SIGLEC11: variants seen among roughly 807,000 people sequenced by gnomAD.
SIGLEC11 encodes the protein sialic acid binding Ig like lectin 11.
SIGLEC11 carries 47 observed loss-of-function variants against 61.2 expected under a neutral mutation model. The ratio of observed to expected loss-of-function variants is 0.77; its 90% CI spans 0.61 to 0.98. The LOEUF is 0.98. Among genes scored for constraint, SIGLEC11 ranks in the 50% least tolerant of loss-of-function variants. The pLI is 0.00. For synonymous variants in SIGLEC11, 278 were observed against 373.1 expected, an observed-to-expected ratio of 0.75 and a Z score of 2.94; for missense variants, 610 against 870.3, an observed-to-expected ratio of 0.70 and a Z score of 3.76.
chr19:49,960,859 G>A lies in SIGLEC11; in HGVS notation c.153C>T (p.Ile51=), dbSNP rs200199135. ...QVPVPEGLCV[I]VSCNLSYPRD... The stretch of plus-strand genomic sequence containing the variant: ...GGGGGTAGGAGAGGTTGCAAGACAC[G>A]ATGACACACAGGCCCTCCGGCACCG... The change falls in exon 2 of 11, where the codon ATC becomes ATT. Residue 51 remains isoleucine (I), a synonymous_variant. Transcript: ENST00000447370. The A allele has an allele frequency of 7.9e-3, 12,591 of 1,593,774 alleles. No individual in the cohort carries two copies. The highest frequency in any genetic ancestry group is 9.6e-3 in the Non-Finnish European group (11,220 of 1,165,522).
chr19:49,958,133 T>G, intron 8 of SIGLEC11, 150 bp downstream of exon 8: 1 of 1,110,106 alleles, frequency 9.0e-7, no homozygotes, highest in Non-Finnish European at 1.3e-6. Flanking sequence ...GTTCCTCAGT[T>G]TCCCGCAACA....
rs531748313 is a variant in SIGLEC11 at position 49,955,657 on chromosome 19, G to A, written c.1651+2626C>T. ...TCATAAAAAGAAAAATTAGCAGGCC[G>A]GGCATGGCGGCTCACACCTGTAATC... is the stretch of plus-strand genomic sequence containing the variant. On this transcript the variant is annotated intron_variant, in intron 8 of 10. Coordinates refer to ENST00000447370, the MANE Select transcript of SIGLEC11 (RefSeq NM_052884.3). The surrounding 1 kb of genome is among the most constrained non-coding windows in gnomAD (Gnocchi z 4.5). Among the ~76,000 whole-genome samples the A allele has an allele frequency of 1.8e-4, 27 of 152,316 alleles. No homozygotes were observed. Among genetic ancestry groups the A allele is most frequent in the Non-Finnish European group, 2.9e-4 (20 of 68,026 alleles).
At chr19:49,953,345 G>A (rs60765786) in intron 8 of SIGLEC11, among the ~76,000 whole-genome samples, 4,967 of 152,208 alleles carry the variant, frequency 0.033, 277 homozygotes, top group African/African-American at 0.11. Context: ...CACTTCTTGC[G>A]GGGTGCCTAA....
chr19:49,952,297 C>T lies in SIGLEC11; in HGVS notation c.1748+1G>A. On this transcript the variant is annotated splice_donor_variant, in intron 9 of 10. Coordinates refer to ENST00000447370, the MANE Select transcript of SIGLEC11 (RefSeq NM_052884.3). LOFTEE classifies it high-confidence loss of function. The stretch of plus-strand genomic sequence containing the variant: ...TGCATTGCCTGCCCTCCGATGCTTA[C>T]CTGAAGACGACAAGGCAGGAACAGA... 1 of 1,612,784 alleles carries T rather than the reference C, an allele frequency of 6.2e-7. No homozygotes were observed. Among genetic ancestry groups the T allele is most frequent in the Non-Finnish European group, 8.5e-7 (1 of 1,179,886 alleles).
chr19:49,949,520 G>A lies in SIGLEC11; in HGVS notation c.*450C>T, dbSNP rs1333194394. 1 of 152,310 alleles carries A rather than the reference G, an allele frequency of 6.6e-6. No homozygotes were observed. Among genetic ancestry groups the A allele is most frequent in the African/African-American group, 2.4e-5 (1 of 41,372 alleles). The allele number at this position is 152,310 out of a possible 1,614,324, so 9.4% of individuals were successfully genotyped here. A position where few individuals can be genotyped will look rare whatever the true frequency, so the allele number is the denominator to read the frequency against. On this transcript the variant is annotated 3_prime_UTR_variant, in exon 11 of 11. Coordinates refer to ENST00000447370, the MANE Select transcript of SIGLEC11 (RefSeq NM_052884.3). ...AACCATAGACACGATGCCTCAAAGTGTCATCTTCAAACTCGCTCTGAATTG... is the reference window on the plus strand; with the variant it reads ...AACCATAGACACGATGCCTCAAAGTATCATCTTCAAACTCGCTCTGAATTG...
chr19:49,958,422 C>T lies in SIGLEC11; in HGVS notation c.1512G>A (p.Glu504=), dbSNP rs372288942. ...LEGNSSQGSF[E]VTPSSAGPWA... Reference sequence around the variant, plus strand: ...AGGGCCCGGCTGAGCTGGGGGTGACCTCGAAGGAGCCCTGACTGCTGTTCC... The same window carrying T: ...AGGGCCCGGCTGAGCTGGGGGTGACTTCGAAGGAGCCCTGACTGCTGTTCC... Residue 504 remains glutamate (E), a synonymous_variant, in exon 8 of 11, where the codon GAG becomes GAA. Coordinates refer to ENST00000447370, the MANE Select transcript of SIGLEC11 (RefSeq NM_052884.3). 12 of 1,613,904 alleles carry T rather than the reference C, an allele frequency of 7.4e-6. No homozygotes were observed. Among genetic ancestry groups the T allele is most frequent in the Non-Finnish European group, 1.0e-5 (12 of 1,180,014 alleles).
Position 49,958,636 on chromosome 19 carries a change from C to A in SIGLEC11, c.1363+7G>T. ...TGGGACCCAGGTGTCCCCTTTCCCC[C>A]ACTCACAGTGCACGGAGAGGCTGAG... On this transcript the variant is annotated splice_region_variant and intron_variant, in intron 7 of 10. Coordinates refer to ENST00000447370, the MANE Select transcript of SIGLEC11 (RefSeq NM_052884.3). 2 of 1,581,480 alleles carry A rather than the reference C, an allele frequency of 1.3e-6. No individual in the cohort carries two copies. Among genetic ancestry groups the A allele is most frequent in the Non-Finnish European group, 1.7e-6 (2 of 1,164,480 alleles).
rs1456781951 is a variant in SIGLEC11, at chr19:49,950,073, G to C, written c.1994C>G (p.Thr665Ser). The change falls in exon 11 of 11, where the codon ACC becomes AGC. Residue 665 changes from threonine to serine, a missense_variant. Transcript: ENST00000447370. Reference protein sequence around the residue: ...WEPADQEAPSTTEYSEIKIHT... With the variant: ...WEPADQEAPSSTEYSEIKIHT... ...GATCTTGATCTCCGAGTACTCGGTG[G>C]TGCTGGGGGCCTCCTGGTCCGCAGG... The C allele has an allele frequency of 6.2e-7, 1 of 1,600,922 alleles. No individual in the cohort carries two copies. The highest frequency in any genetic ancestry group is 2.3e-5 in the East Asian group (1 of 44,180).
At chr19:49,953,941 T>C (rs1308644535) in intron 8 of SIGLEC11, among the ~76,000 whole-genome samples, 3 of 152,198 alleles carry the variant, frequency 2.0e-5, no homozygotes, top group Non-Finnish European at 4.4e-5. Context: ...TCTCTTTGAA[T>C]TAGAATGACT....
At position 49,951,809 on chromosome 19, in the gene SIGLEC11, G is replaced by T. The variant is rs2076159581; in HGVS notation, c.1830+82C>A. 2 of 1,217,170 alleles carry T rather than the reference G, an allele frequency of 1.6e-6. No individual in the cohort carries two copies. 75.4% of individuals were successfully genotyped at this position (1,217,170 alleles called of 1,614,324 possible). On this transcript the variant is annotated intron_variant, in intron 10 of 10. Coordinates refer to ENST00000447370, the MANE Select transcript of SIGLEC11 (RefSeq NM_052884.3). This position sits in a 1 kb window ranked among gnomAD's most constrained non-coding sequence, Gnocchi z 4.6. ...ACCCTATTTGGGGCACAATGATTCT[G>T]CAAGTCACCAAGAGGACTACCCATG...
At chr19:49,959,202 T>C in intron 5 of SIGLEC11, 125 bp from the exon 6 acceptor site, 1 of 1,481,556 alleles carries the variant, frequency 6.7e-7, no homozygotes, top group Non-Finnish European at 9.1e-7. Flanking sequence ...AATCACCCAC[T>C]GAGTCCCAGA....
chr19:49,958,695 G>T lies in SIGLEC11; in HGVS notation c.1311C>A (p.His437Gln). Residue 437 changes from histidine to glutamine, a missense_variant, in exon 7 of 11, where the codon CAC becomes CAA. Around this residue, in one of 6 missense-constraint regions of SIGLEC11, gnomAD observed 432 missense variants for 441.5 expected, o/e 0.98. Transcript: ENST00000447370. ...QMEHEGEFTC[H>Q]AQHPLGSQHV... ...GCTGGGAGCCCAGAGGGTGCTGAGC[G>T]TGGCAGGTGAACTCTCCTTCGTGCT... 2 of 1,611,770 alleles carry T rather than the reference G, an allele frequency of 1.2e-6. No homozygotes were observed. The highest frequency in any genetic ancestry group is 2.2e-5 in the South Asian group (2 of 90,748).
In SIGLEC11 at chr19:49,958,489, G is replaced by C; in HGVS notation, c.1445C>G (p.Ala482Gly). Residue 482 changes from alanine (A) to glycine (G), a missense_variant, in exon 8 of 11, where the codon GCC (alanine) becomes GGC (glycine). Transcript: ENST00000447370. ...CCCAAGCCACCAGCGCAGAGAGGGG[G>C]CCGGGCTGGCCTGGGAGGAGCAGCT... ...HCSCSSQASPAPSLRWWLGEE... is the reference protein window; with the variant it reads ...HCSCSSQASPGPSLRWWLGEE... 2 of 1,610,994 alleles carry C rather than the reference G, an allele frequency of 1.2e-6. No homozygotes were observed. Among genetic ancestry groups the C allele is most frequent in the South Asian group, 2.2e-5 (2 of 90,876 alleles).
At position 49,955,672 on chromosome 19, in the gene SIGLEC11, C is replaced by T. The variant is rs1022365124; in HGVS notation, c.1651+2611G>A. Among the ~76,000 whole-genome samples the T allele has an allele frequency of 6.6e-6, 1 of 152,196 alleles. No individual in the cohort carries two copies. The highest frequency in any genetic ancestry group is 1.5e-5 in the Non-Finnish European group (1 of 68,034). On this transcript the variant is annotated intron_variant, in intron 8 of 10. Coordinates refer to ENST00000447370, the MANE Select transcript of SIGLEC11 (RefSeq NM_052884.3). The surrounding 1 kb of genome is among the most constrained non-coding windows in gnomAD (Gnocchi z 4.5). The stretch of plus-strand genomic sequence containing the variant: ...TTAGCAGGCCGGGCATGGCGGCTCA[C>T]ACCTGTAATCCCAGCACTTTGGGAG...
rs2076156709 is a variant in SIGLEC11 at position 49,951,320 on chromosome 19, G to A, written c.1830+571C>T. 6.6e-6 allele frequency among the ~76,000 whole-genome samples: 1 copy of A among 152,184 alleles called. No individual in the cohort carries two copies. The highest frequency in any genetic ancestry group is 1.5e-5 in the Non-Finnish European group (1 of 68,022). On this transcript the variant is annotated intron_variant, in intron 10 of 10. Transcript: ENST00000447370. This position sits in a 1 kb window ranked among gnomAD's most constrained non-coding sequence, Gnocchi z 4.6. ...CCTGGGAAAGGCCACCGGAAGCTGTGGGTTTGGTATCTCCTGGACCTGCCC... is the reference window on the plus strand; with the variant it reads ...CCTGGGAAAGGCCACCGGAAGCTGTAGGTTTGGTATCTCCTGGACCTGCCC...
chr19:49,949,274 C>T lies in SIGLEC11; in HGVS notation c.*696G>A, dbSNP rs1391473080. On this transcript the variant is annotated 3_prime_UTR_variant, in exon 11 of 11. Coordinates refer to ENST00000447370, the MANE Select transcript of SIGLEC11 (RefSeq NM_052884.3). ...GTGTTGAGATTACAGGCGTGAGCCACCATGCCCAGCCTTTTTTTTTTTTTT... is the reference window on the plus strand; with the variant it reads ...GTGTTGAGATTACAGGCGTGAGCCATCATGCCCAGCCTTTTTTTTTTTTTT... The T allele has an allele frequency of 6.6e-6, 1 of 151,510 alleles. No homozygotes were observed. The highest frequency in any genetic ancestry group is 1.5e-5 in the Non-Finnish European group (1 of 68,014). The allele number at this position is 151,510 out of a possible 1,614,324, so 9.4% of individuals were successfully genotyped here. A position where few individuals can be genotyped will look rare whatever the true frequency, so the allele number is the denominator to read the frequency against.
chr19:49,954,186 C>T (rs1416341255), intron 8 of SIGLEC11, among the ~76,000 whole-genome samples: 5 of 152,104 alleles, frequency 3.3e-5, no homozygotes, highest in African/African-American at 1.2e-4. Flanking sequence ...GCAGCTTCAC[C>T]GACTGACACG....
In SIGLEC11 at chr19:49,949,438, G is replaced by A. The variant is rs1023790401; in HGVS notation, c.*532C>T. 1 of 152,080 alleles carries A rather than the reference G, an allele frequency of 6.6e-6. No homozygotes were observed. Among genetic ancestry groups the A allele is most frequent in the African/African-American group, 2.4e-5 (1 of 41,360 alleles). The allele number at this position is 152,080 out of a possible 1,614,324, so 9.4% of individuals were successfully genotyped here. A position where few individuals can be genotyped will look rare whatever the true frequency, so the allele number is the denominator to read the frequency against. On this transcript the variant is annotated 3_prime_UTR_variant, in exon 11 of 11. Coordinates refer to ENST00000447370, the MANE Select transcript of SIGLEC11 (RefSeq NM_052884.3). ...CTTCTCGTTCTGGAGAGCACCCTGT[G>A]CCTCCTCTGCCTGGTTTCCTGTGCT...
chr19:49,952,576 A>G (rs2076165968), intron 8 of SIGLEC11, among the ~76,000 whole-genome samples, 182 bp from the exon 9 acceptor site: 2 of 152,142 alleles, frequency 1.3e-5, no homozygotes, highest in African/African-American at 4.8e-5. Flanking sequence ...AAAAAGAACA[A>G]CTTTTCCTCT....
Sources: allele counts gnomAD v4.1 joint callset (sites outside exome capture counted in the v4.1 genomes callset), GRCh38; gene constraint gnomAD v4.1.1; regional missense constraint gnomAD v4.1.1; non-coding constraint Gnocchi (gnomAD v3.1); transcripts MANE v1.5; gene names NCBI Gene and HGNC (gene_info 2026-07-23, HGNC 2026-07-21).